Variants in LIPC observed in about 807,000 individuals in gnomAD.
LIPC encodes the protein lipase C, hepatic type.
Under a neutral mutation model 50.7 loss-of-function variants are expected in LIPC, and 44 were observed. The ratio of observed to expected loss-of-function variants is 0.87; its 90% confidence interval spans 0.68 to 1.11. The LOEUF is 1.11. LIPC is among the 50% of genes most tolerant of loss of function. The probability of loss-of-function intolerance (pLI) is 0.00; values close to 1 mark genes in which losing one functional copy is unlikely to be tolerated. For missense variants in LIPC, 697 were observed against 648.2 expected (o/e 1.08, Z -0.82); for synonymous variants, 271 against 256.4 (o/e 1.06, Z -0.54).
At chr15:58,537,124 C>A (rs1893150360) in intron 1 of LIPC, among the ~76,000 whole-genome samples, 1 of 152,254 alleles carries the variant, frequency 6.6e-6, no homozygotes, top group Non-Finnish European at 1.5e-5. Context: ...AGAGCTTCCT[C>A]TCCCAGCTCT....
chr15:58,546,923 C>T (rs36205985), intron 5 of LIPC, among the ~76,000 whole-genome samples: 386 of 152,172 alleles, frequency 2.5e-3, no homozygotes, highest in African/African-American at 8.8e-3. Flanking sequence ...TTGCCCTTAT[C>T]ATTGCTTACA....
In LIPC at chr15:58,541,825, C is replaced by A. The variant is rs762938550; in HGVS notation, c.314C>A (p.Ala105Asp). ...GAAAACTGGATCTGGCAGATGGTGGCCGCGCTGAAGTCTCAGCCGGCCCAG... is the reference window on the plus strand; with the variant it reads ...GAAAACTGGATCTGGCAGATGGTGGACGCGCTGAAGTCTCAGCCGGCCCAG... ...VLENWIWQMV[A>D]ALKSQPAQPV... The change falls in exon 3 of 9, where the codon GCC becomes GAC. Residue 105 changes from alanine to aspartate, a missense_variant. Ala to Asp is a moderately radical substitution (Grantham distance 126, BLOSUM62 -2). Coordinates refer to ENST00000299022, the MANE Select transcript of LIPC (RefSeq NM_000236.3). 1 of 1,613,358 alleles carries A rather than the reference C, an allele frequency of 6.2e-7. No homozygotes were observed.
intron 8 of LIPC, among the ~76,000 whole-genome samples, chr15:58,568,434 G>C (rs1162417663): frequency 6.6e-6 from 1 of 152,226 alleles, no homozygotes; most frequent in Non-Finnish European, 1.5e-5. Flanking sequence ...TCGATGAGCT[G>C]TCATAGGGGA....
intron 1 of LIPC, chr15:58,494,895 G>C: frequency 2.2e-6 from 1 of 455,976 alleles, no homozygotes; most frequent in Non-Finnish European, 4.4e-6. Context: ...TGTTTTGATT[G>C]ACAATACAAA....
intron 1 of LIPC, among the ~76,000 whole-genome samples, chr15:58,464,759 G>T (rs906007577): frequency 6.6e-6 from 1 of 152,200 alleles, no homozygotes; most frequent in Non-Finnish European, 1.5e-5. Flanking sequence ...GATCATCTGA[G>T]GTCAGGGGTT....
chr15:58,565,538 G>A, intron 8 of LIPC: 2 of 1,278,454 alleles, frequency 1.6e-6, no homozygotes, highest in Non-Finnish European at 2.0e-6. Context: ...TCTTTGCTGT[G>A]ATCCTGAAAT....
intron 8 of LIPC, chr15:58,565,291 C>T (rs1894325866): frequency 6.5e-7 from 1 of 1,535,532 alleles, no homozygotes; most frequent in African/African-American, 1.4e-5. Context: ...TGAGCTCTGA[C>T]CCTGCCCAGA....
chr15:58,518,872 T>C (rs11635235), intron 1 of LIPC, among the ~76,000 whole-genome samples: 14,016 of 151,880 alleles, frequency 0.092, 826 homozygotes, highest in Non-Finnish European at 0.14. Flanking sequence ...GTGGTGGTGG[T>C]TACGGTGGTT....
At chr15:58,472,864 T>C (rs942564926) in intron 1 of LIPC, among the ~76,000 whole-genome samples, 13 of 152,188 alleles carry the variant, frequency 8.5e-5, no homozygotes, top group African/African-American at 3.1e-4. Context: ...GCTTAGAGCA[T>C]TCAAGCTAGC....
chr15:58,552,339 A>T (rs1869146), intron 6 of LIPC, among the ~76,000 whole-genome samples: 2 of 152,174 alleles, frequency 1.3e-5, no homozygotes, highest in African/African-American at 4.8e-5. Context: ...AGCAGGAAGC[A>T]TCGCATTGAA....
rs550019876 is a variant in LIPC at position 58,490,545 on chromosome 15, C to T, written c.89-47788C>T. 3.0e-4 allele frequency among the ~76,000 whole-genome samples: 45 copies of T among 152,266 alleles called. No individual in the cohort carries two copies. In the South Asian group the frequency reaches 9.1e-3, roughly 31 times the overall value. On this transcript the variant is annotated intron_variant, in intron 1 of 8. Transcript: ENST00000299022. ...TCTCACCTCCGGAGAGAATGCAAGG[C>T]GCCCTCCTTCCAAATCTGGCCCGTC...
intron 1 of LIPC, among the ~76,000 whole-genome samples, chr15:58,465,575 G>A (rs1894525261): frequency 6.6e-6 from 1 of 152,184 alleles, no homozygotes; most frequent in Non-Finnish European, 1.5e-5. Flanking sequence ...GAGGTGAGGT[G>A]TAGATTACGG....
intron 1 of LIPC, among the ~76,000 whole-genome samples, chr15:58,475,645 A>G (rs1052206052): frequency 1.3e-5 from 2 of 152,146 alleles, no homozygotes; most frequent in Non-Finnish European, 2.9e-5. Context: ...TGGCTCACAC[A>G]TCTGTCTCTA....
chr15:58,442,012 G>A (rs1893523815), intron 1 of LIPC, among the ~76,000 whole-genome samples: 1 of 152,196 alleles, frequency 6.6e-6, no homozygotes, highest in South Asian at 2.1e-4. Flanking sequence ...GGTTTTTGTT[G>A]CTGTGCTGTG....
At chr15:58,516,281 A>G (rs1291319992) in intron 1 of LIPC, among the ~76,000 whole-genome samples, 5 of 86,562 alleles carry the variant, frequency 5.8e-5, no homozygotes, top group Non-Finnish European at 1.2e-4. Flanking sequence ...GTTTTCAGCA[A>G]TTTGATTATT....
chr15:58,542,607 C>T lies in LIPC; in HGVS notation c.530C>T (p.Ala177Val). Residue 177 changes from alanine (A) to valine (V), a missense_variant, in exon 4 of 9, where the codon GCC becomes GTC. Transcript: ENST00000299022. ...CTGGGTGCACACGTGTCAGGATTTGCCGGCAGTTCCATCGGTGGAACGCAC... is the reference window on the plus strand; with the variant it reads ...CTGGGTGCACACGTGTCAGGATTTGTCGGCAGTTCCATCGGTGGAACGCAC... ...YSLGAHVSGF[A>V]GSSIGGTHKI... 6.2e-7 allele frequency: 1 copy of T among 1,613,698 alleles called. No individual in the cohort carries two copies. Among genetic ancestry groups the T allele is most frequent in the South Asian group, 1.1e-5 (1 of 91,064 alleles).
intron 1 of LIPC, chr15:58,456,245 T>C (rs554717930): frequency 1.3e-5 from 2 of 151,280 alleles, no homozygotes; most frequent in East Asian, 3.9e-4. Flanking sequence ...TGCTATGAGA[T>C]CAAGCCAAAA....
chr15:58,473,923 T>A (rs530493117), intron 1 of LIPC: 1 of 152,358 alleles, frequency 6.6e-6, no homozygotes, highest in East Asian at 1.9e-4. Context: ...TGTTTTGCAT[T>A]CCTTATCTTG....
At chr15:58,479,957 C>T (rs1371766495) in intron 1 of LIPC, among the ~76,000 whole-genome samples, 5 of 152,168 alleles carry the variant, frequency 3.3e-5, no homozygotes, top group African/African-American at 1.2e-4. Flanking sequence ...ATGAAAGTGC[C>T]TCCAATCTAA....
Sources: allele counts gnomAD v4.1 joint callset (sites outside exome capture counted in the v4.1 genomes callset), GRCh38; gene constraint gnomAD v4.1.1; transcripts MANE v1.5; gene names NCBI Gene and HGNC (gene_info 2026-07-23, HGNC 2026-07-21).